PDE10A: variants seen among roughly 807,000 people sequenced by gnomAD.
The protein encoded by PDE10A is phosphodiesterase 10A.
Under a neutral mutation model 97.7 loss-of-function variants are expected in PDE10A, and 39 were observed. The ratio of observed to expected loss-of-function variants is 0.40; its 90% confidence interval spans 0.31 to 0.52. The LOEUF is 0.52. Among genes scored for constraint, PDE10A ranks in the 20% least tolerant of loss-of-function variants. The probability of loss-of-function intolerance (pLI) is 0.56; values close to 1 mark genes in which losing one functional copy is unlikely to be tolerated. For missense variants in PDE10A, 731 were observed against 1,047.8 expected (o/e 0.70, Z 4.17); for synonymous variants, 371 against 376.8 (o/e 0.98, Z 0.18).
intron 18 of PDE10A, among the ~76,000 whole-genome samples, chr6:165,349,979 G>A (rs1237913737): frequency 6.6e-6 from 1 of 152,236 alleles, no homozygotes; most frequent in Non-Finnish European, 1.5e-5. Context: ...TGCAGGGCCA[G>A]AGCCCTCATG....
rs1376436977 is a variant in PDE10A at position 165,533,101 on chromosome 6, G to A, written c.994+10339C>T. Among the ~76,000 whole-genome samples the A allele has an allele frequency of 2.6e-5, 4 of 152,076 alleles. No individual in the cohort carries two copies. The East Asian group carries it at 7.7e-4, about 29-fold the overall frequency. Reference sequence around the variant, plus strand: ...TTAATTTATTTTAAAATTCATACTTGCTTAGCAAGTACATTATACTGGATT... The same window carrying A: ...TTAATTTATTTTAAAATTCATACTTACTTAGCAAGTACATTATACTGGATT... On this transcript the variant is annotated intron_variant, in intron 2 of 21. Coordinates refer to ENST00000539869, the MANE Select transcript of PDE10A (RefSeq NM_001385079.1).
At position 165,957,100 on chromosome 6, in the gene PDE10A, G is replaced by A. The variant is rs184282079; in HGVS notation, c.-615+30429C>T. On this transcript the variant is annotated intron_variant, in intron 1 of 19. Transcript: ENST00000366882. ...GCAGGAGACCTGTGCTACTCAAAGA[G>A]TGAACTCAGAGGGCTGCCAGATATG... Among the ~76,000 whole-genome samples, 343 of 152,292 alleles carry A rather than the reference G, an allele frequency of 2.3e-3. 4 individuals carry two copies. The highest frequency in any genetic ancestry group is 3.7e-3 in the Non-Finnish European group (255 of 68,018).
intron 1 of PDE10A, among the ~76,000 whole-genome samples, chr6:165,794,717 C>A (rs1356730045): frequency 2.0e-5 from 3 of 151,646 alleles, no homozygotes; most frequent in East Asian, 1.9e-4. Flanking sequence ...CACAAAAAAA[C>A]CACTAGTTTT....
chr6:165,857,783 G>A (rs1031811901), intron 1 of PDE10A, among the ~76,000 whole-genome samples: 2 of 151,800 alleles, frequency 1.3e-5, no homozygotes, highest in African/African-American at 4.8e-5. Flanking sequence ...TTAGGGCAAT[G>A]CATCATGAGG....
At chr6:165,623,312 T>C (rs1788233513) in intron 1 of PDE10A, among the ~76,000 whole-genome samples, 1 of 152,114 alleles carries the variant, frequency 6.6e-6, no homozygotes, top group African/African-American at 2.4e-5. Context: ...GAGACAGGGT[T>C]TCGCCATGTC....
At chr6:165,720,760 T>C (rs147382921) in intron 1 of PDE10A, among the ~76,000 whole-genome samples, 1 of 152,244 alleles carries the variant, frequency 6.6e-6, no homozygotes, top group East Asian at 1.9e-4. Flanking sequence ...TGTAATGTGA[T>C]TGCTAGGAGG....
chr6:165,707,614 A>G (rs563367431), intron 1 of PDE10A, among the ~76,000 whole-genome samples: 2 of 151,606 alleles, frequency 1.3e-5, no homozygotes, highest in African/African-American at 2.4e-5. Context: ...GTGTGTGTGC[A>G]TGTGTGAGCA....
intron 1 of PDE10A, among the ~76,000 whole-genome samples, chr6:165,705,089 T>C (rs4279417): frequency 0.7 from 106,618 of 152,182 alleles, 38,675 homozygotes; most frequent in African/African-American, 0.89. Context: ...GCCCCCAGCA[T>C]GGCACGCACA....
chr6:165,945,227 G>A (rs571633455), intron 1 of PDE10A, among the ~76,000 whole-genome samples: 14 of 152,228 alleles, frequency 9.2e-5, no homozygotes, highest in African/African-American at 3.1e-4. Context: ...CATGTGCCGT[G>A]AACCACCTTA....
intron 3 of PDE10A, among the ~76,000 whole-genome samples, chr6:165,475,370 T>C (rs1779237896): frequency 6.6e-6 from 1 of 152,074 alleles, no homozygotes; most frequent in African/African-American, 2.4e-5. Flanking sequence ...ATTTTAAAGT[T>C]GACATCCTAT....
intron 1 of PDE10A, among the ~76,000 whole-genome samples, chr6:165,762,488 T>TAA (rs528042240): frequency 0.11 from 15,673 of 142,432 alleles, 1,047 homozygotes; most frequent in South Asian, 0.19. Context: ...TCAGGAATAT[T>TAA]AAAAAAAAAA....
intron 3 of PDE10A, among the ~76,000 whole-genome samples, chr6:165,472,591 G>A (rs1040738725): frequency 6.6e-6 from 1 of 151,994 alleles, no homozygotes; most frequent in Admixed American, 6.6e-5. Flanking sequence ...CTCAGGTTTG[G>A]TAGACTTTAT....
At chr6:165,543,670 C>T in intron 1 of PDE10A, 102 bp from the exon 2 acceptor site, 1 of 846,322 alleles carries the variant, frequency 1.2e-6, no homozygotes, top group Non-Finnish European at 1.8e-6. Context: ...AGCAACCTCT[C>T]ATCTAACGGA....
intron 13 of PDE10A, among the ~76,000 whole-genome samples, chr6:165,397,558 A>G (rs929094073): frequency 5.9e-5 from 9 of 152,058 alleles, no homozygotes; most frequent in African/African-American, 2.2e-4. Flanking sequence ...AAAAAATAGA[A>G]AAATCAGCTG....
At chr6:165,740,851 A>C (rs1271514258) in intron 1 of PDE10A, among the ~76,000 whole-genome samples, 1 of 152,226 alleles carries the variant, frequency 6.6e-6, no homozygotes, top group East Asian at 1.9e-4. Flanking sequence ...AGAGAGTAGA[A>C]TGGGGATTGC....
intron 1 of PDE10A, among the ~76,000 whole-genome samples, chr6:165,811,553 C>T (rs960609621): frequency 2.0e-5 from 3 of 152,212 alleles, no homozygotes; most frequent in African/African-American, 7.2e-5. Flanking sequence ...CTCTCCTGCT[C>T]CCTGGCCATT....
intron 1 of PDE10A, among the ~76,000 whole-genome samples, chr6:165,855,700 T>C (rs1780712239): frequency 6.6e-6 from 1 of 151,956 alleles, no homozygotes; most frequent in African/African-American, 2.4e-5. Flanking sequence ...CCTTAAGTGG[T>C]GGCCATGAAC....
intron 1 of PDE10A, among the ~76,000 whole-genome samples, chr6:165,855,712 C>A (rs940445358): frequency 3.3e-5 from 5 of 151,974 alleles, no homozygotes; most frequent in Non-Finnish European, 7.4e-5. Context: ...GCCATGAACA[C>A]ACCTAAAACT....
intron 5 of PDE10A, among the ~76,000 whole-genome samples, chr6:165,436,194 AT>A (rs1790002565): frequency 6.6e-6 from 1 of 152,094 alleles, no homozygotes; most frequent in African/African-American, 2.4e-5. Context: ...ACTTCACTTT[AT>A]TTTTATCTTA....
Sources: allele counts gnomAD v4.1 joint callset (sites outside exome capture counted in the v4.1 genomes callset), GRCh38; gene constraint gnomAD v4.1.1; transcripts MANE v1.5; gene names NCBI Gene and HGNC (gene_info 2026-07-23, HGNC 2026-07-21).